The following MTR variants were observed in gnomAD, a reference collection of about 807,000 sequenced individuals.
MTR encodes 5-methyltetrahydrofolate-homocysteine methyltransferase, also known as methionine synthase.
Under a neutral mutation model 154.8 loss-of-function variants are expected in MTR, and 84 were observed. The observed-to-expected ratio is 0.54, with a 90% CI of 0.45 to 0.65. The LOEUF (loss-of-function observed/expected upper bound fraction) is 0.65. Ranked by LOEUF, MTR falls within the 30% of genes least tolerant of loss-of-function variation. The pLI is 0.00. For missense variants in MTR, 1,275 were observed against 1,570.2 expected (o/e 0.81, Z 3.18); for synonymous variants, 554 against 553.9 (o/e 1.00, Z 0.00).
At chr1:236,896,088 A>G (rs1032780163) in intron 31 of MTR, among the ~76,000 whole-genome samples, 1 of 152,226 alleles carries the variant, frequency 6.6e-6, no homozygotes, top group African/African-American at 2.4e-5. Context: ...TGATTCTAAA[A>G]GCTGAAAATG....
At chr1:236,834,347 T>G (rs1662780840) in intron 13 of MTR, among the ~76,000 whole-genome samples, 1 of 152,128 alleles carries the variant, frequency 6.6e-6, no homozygotes, top group Admixed American at 6.5e-5. Context: ...GCCCAGCTAA[T>G]TTTTGTATTT....
chr1:236,805,550 G>C (rs1660932893), intron 2 of MTR, among the ~76,000 whole-genome samples: 1 of 152,124 alleles, frequency 6.6e-6, no homozygotes. Flanking sequence ...GTGCCACCGT[G>C]GCTCACTCTA....
Position 236,863,451 on chromosome 1 carries a change from C to G in MTR, c.2305-3C>G. On this transcript the variant is annotated splice_polypyrimidine_tract_variant and splice_region_variant and intron_variant, in intron 21 of 32. Transcript: ENST00000366577. Reference sequence around the variant, plus strand: ...TTGCTGAGCTGCTTGGCTTCCTTTCCAGGACCCTTACCAGGGCACCATCGT... The same window carrying G: ...TTGCTGAGCTGCTTGGCTTCCTTTCGAGGACCCTTACCAGGGCACCATCGT... The G allele has an allele frequency of 6.2e-7, 1 of 1,613,800 alleles. No individual in the cohort carries two copies. The highest frequency in any genetic ancestry group is 8.5e-7 in the Non-Finnish European group (1 of 1,179,788).
intron 11 of MTR, 135 bp from the exon 12 acceptor site, chr1:236,829,054 G>C (rs114477205): frequency 1.4e-6 from 1 of 693,296 alleles, no homozygotes; most frequent in South Asian, 1.7e-5. Context: ...TGCACACTTG[G>C]AAGTAGGTAT....
At chr1:236,824,354 G>T in intron 9 of MTR, 135 bp downstream of exon 9, 1 of 811,102 alleles carries the variant, frequency 1.2e-6, no homozygotes, top group Non-Finnish European at 2.1e-6. Context: ...AATGAAGAGT[G>T]TCTGGGTGCA....
At position 236,880,801 on chromosome 1, in the gene MTR, A is replaced by C; in HGVS notation, c.2641A>C (p.Ile881Leu). The change falls in exon 25 of 33, where the codon ATC becomes CTC. Residue 881 changes from isoleucine (I) to leucine (L), a missense_variant. Ile to Leu is a conservative substitution (Grantham distance 5). Coordinates refer to ENST00000366577, the MANE Select transcript of MTR (RefSeq NM_000254.3). ...KIAPRYSAPV[I>L]HVLDASKSVV... ...AGCTCCGAGATACAGTGCACCTGTA[A>C]TCCATGTCCTGGACGCGTCCAAGAG... 1.2e-6 allele frequency: 2 copies of C among 1,614,156 alleles called. No homozygotes were observed. Among genetic ancestry groups the C allele is most frequent in the Non-Finnish European group, 1.7e-6 (2 of 1,180,000 alleles).
At chr1:236,880,873 T>G (rs747414320) in intron 25 of MTR, 37 bp downstream of exon 25, 2 of 1,564,386 alleles carry the variant, frequency 1.3e-6, no homozygotes, top group Non-Finnish European at 1.8e-6. Context: ...CCAGATGTGT[T>G]GGAAAGCTTG....
chr1:236,842,784 G>A (rs1402753016), intron 15 of MTR, among the ~76,000 whole-genome samples: 4 of 144,494 alleles, frequency 2.8e-5, no homozygotes, highest in South Asian at 2.2e-4. Flanking sequence ...AAAAAAAGAT[G>A]TATATATATA....
In MTR at chr1:236,853,108, A is replaced by G. The variant is rs770942831; in HGVS notation, c.1953+20A>G. ...GCCCAGGTAGAGAGACAAGTGTTCTAATAGATGGATTTTTCCTATCTTTGA... is the reference window on the plus strand; with the variant it reads ...GCCCAGGTAGAGAGACAAGTGTTCTGATAGATGGATTTTTCCTATCTTTGA... On this transcript the variant is annotated intron_variant, in intron 18 of 32. Transcript: ENST00000366577. 4.3e-6 allele frequency: 7 copies of G among 1,613,382 alleles called. No homozygotes were observed. The South Asian group carries it at 7.7e-5, about 18-fold the overall frequency.
intron 2 of MTR, among the ~76,000 whole-genome samples, chr1:236,805,773 C>T (rs921962327): frequency 2.6e-5 from 4 of 152,156 alleles, no homozygotes; most frequent in Admixed American, 2.0e-4. Context: ...GCTATGATTA[C>T]AAGCGTGAGC....
chr1:236,861,087 C>A, intron 19 of MTR, 38 bp from the exon 20 acceptor site: 1 of 1,444,742 alleles, frequency 6.9e-7, no homozygotes, highest in Admixed American at 2.4e-5. Flanking sequence ...TTTTTTCTTT[C>A]TTTCTTTTTC....
intron 31 of MTR, 141 bp downstream of exon 31, chr1:236,895,691 C>T (rs950116837): frequency 1.3e-5 from 9 of 678,180 alleles, no homozygotes; most frequent in South Asian, 2.0e-5. Flanking sequence ...CTTTTTCACT[C>T]GTAGCTATTC....
chr1:236,806,285 A>G (rs753563823), intron 3 of MTR, 52 bp downstream of exon 3: 4 of 1,428,290 alleles, frequency 2.8e-6, no homozygotes, highest in Non-Finnish European at 4.0e-6. Context: ...CGTTTGCTGC[A>G]TTGGTAGTTG....
intron 15 of MTR, among the ~76,000 whole-genome samples, chr1:236,846,615 G>GAACA (rs1663589958): frequency 6.6e-6 from 1 of 152,112 alleles, no homozygotes; most frequent in African/African-American, 2.4e-5. Flanking sequence ...TGTCATTGAG[G>GAACA]AACATGGCGT....
At chr1:236,891,096 C>T in intron 28 of MTR, 37 bp from the exon 29 acceptor site, 1 of 1,606,930 alleles carries the variant, frequency 6.2e-7, no homozygotes, top group Non-Finnish European at 8.5e-7. Context: ...TTATTTTTGG[C>T]ATCTTTAAGT....
chr1:236,818,016 A>G (rs1284735450), intron 8 of MTR, among the ~76,000 whole-genome samples: 2 of 152,204 alleles, frequency 1.3e-5, no homozygotes, highest in Non-Finnish European at 2.9e-5. Context: ...GAGGTCTCTG[A>G]AGACAAACTT....
rs986510459 is a variant in MTR, at chr1:236,816,666, G to A, written c.764+123G>A. ...TTCACTGTACCACTTCTGCTATATT[G>A]ACTTTCCTTTAAGTACTTTCAGACT... On this transcript the variant is annotated intron_variant, in intron 8 of 32. Coordinates refer to ENST00000366577, the MANE Select transcript of MTR (RefSeq NM_000254.3). 9.5e-6 allele frequency: 8 copies of A among 842,922 alleles called. No homozygotes were observed. The East Asian group carries it at 1.2e-4, about 13-fold the overall frequency. The allele number at this position is 842,922 out of a possible 1,614,324, so 52.2% of individuals were successfully genotyped here.
chr1:236,896,783 T>G lies in MTR; in HGVS notation c.3599-223T>G, dbSNP rs1666647895. 3.9e-5 allele frequency among the ~76,000 whole-genome samples: 6 copies of G among 152,266 alleles called. No homozygotes were observed. In the South Asian group the frequency reaches 1.2e-3, roughly 32 times the overall value. ...AGAGTCTTTCCCAGGCCTGTCCCCCTGGGTTAGAGGAGATCTGCATGTCCC... is the reference window on the plus strand; with the variant it reads ...AGAGTCTTTCCCAGGCCTGTCCCCCGGGGTTAGAGGAGATCTGCATGTCCC... On this transcript the variant is annotated intron_variant, in intron 31 of 32. Transcript: ENST00000366577.
intron 31 of MTR, 75 bp from the exon 32 acceptor site, chr1:236,896,931 T>C (rs1666656707): frequency 9.5e-7 from 1 of 1,055,148 alleles, no homozygotes. Context: ...CAAGAGTTCA[T>C]TGAGTGCCTG....
Sources: allele counts gnomAD v4.1 joint callset (sites outside exome capture counted in the v4.1 genomes callset), GRCh38; gene constraint gnomAD v4.1.1; transcripts MANE v1.5; gene names NCBI Gene and HGNC (gene_info 2026-07-23, HGNC 2026-07-21).